Variants in EBF3 observed in about 807,000 individuals in gnomAD.
EBF3 encodes the protein transcription factor COE3.
A neutral mutation model predicts 77.1 loss-of-function variants in EBF3; 18 were observed. That is an observed-to-expected ratio of 0.23 (90% CI 0.16 to 0.35). The LOEUF (loss-of-function observed/expected upper bound fraction) is 0.35. EBF3 is among the 10% of genes least tolerant of loss of function. The pLI is 1.00. For synonymous variants in EBF3, 350 were observed against 343.5 expected (o/e 1.02, Z -0.21); for missense variants, 558 against 860.0 (o/e 0.65, Z 4.39).
intron 4 of EBF3, among the ~76,000 whole-genome samples, chr10:129,960,132 C>A (rs546167956): frequency 6.6e-6 from 1 of 151,488 alleles, no homozygotes; most frequent in Admixed American, 6.6e-5. Flanking sequence ...AAAAAGTCTA[C>A]TGGGGGAGGG....
In EBF3 at chr10:129,841,694, G is replaced by A. The variant is rs896052165; in HGVS notation, c.1372+422C>T. Among the ~76,000 whole-genome samples, 5 of 152,138 alleles carry A rather than the reference G, an allele frequency of 3.3e-5. No homozygotes were observed. The highest frequency in any genetic ancestry group is 2.0e-4 in the Admixed American group (3 of 15,270). On this transcript the variant is annotated intron_variant, in intron 13 of 16. Transcript: ENST00000440978. The surrounding 1 kb of genome is among the most constrained non-coding windows in gnomAD (Gnocchi z 4.6). ...GGGATGGGGTGCGGGGTGGGGAAAT[G>A]GGGGTCTGTCTCCATGGATTCGTTC...
intron 6 of EBF3, among the ~76,000 whole-genome samples, chr10:129,891,656 G>C (rs1854025045): frequency 6.6e-6 from 1 of 152,098 alleles, no homozygotes; most frequent in South Asian, 2.1e-4. Context: ...ACCAATACAG[G>C]GTCCCCAGCA....
chr10:129,961,572 G>A (rs1859524150), intron 4 of EBF3, among the ~76,000 whole-genome samples: 1 of 152,226 alleles, frequency 6.6e-6, no homozygotes, highest in Non-Finnish European at 1.5e-5. Context: ...GGGTGGGAGA[G>A]GGGGCAGAGC....
chr10:129,896,469 G>A (rs1854385562), intron 6 of EBF3, among the ~76,000 whole-genome samples: 1 of 152,236 alleles, frequency 6.6e-6, no homozygotes, highest in Non-Finnish European at 1.5e-5. Flanking sequence ...CGCCATTCCT[G>A]GCCCCTCCGA....
At chr10:129,946,913 C>T (rs150599731) in intron 6 of EBF3, among the ~76,000 whole-genome samples, 1,723 of 152,356 alleles carry the variant, frequency 0.011, 18 homozygotes, top group Non-Finnish European at 0.015. Context: ...TGGCCTCCCC[C>T]TCTGCAAGCA....
rs1849702688 is a variant in EBF3 at position 129,837,814 on chromosome 10, TTGC to T, written c.*126_*128del. The T allele has an allele frequency of 1.6e-6, 2 of 1,245,160 alleles. No homozygotes were observed. Among genetic ancestry groups the T allele is most frequent in the Non-Finnish European group, 2.3e-6 (2 of 872,128 alleles). The allele number at this position is 1,245,160 out of a possible 1,614,324, so 77.1% of individuals were successfully genotyped here. ...AACAAAGTCTTTTGTAGCATTTCAA[TTGC>T]TGCTGATTTTTTTGAAGATACTGTT... On this transcript the variant is annotated 3_prime_UTR_variant, in exon 17 of 17. Transcript: ENST00000440978.
chr10:129,877,602 T>C (rs1364355089), intron 7 of EBF3, among the ~76,000 whole-genome samples, 166 bp downstream of exon 7: 7 of 152,154 alleles, frequency 4.6e-5, no homozygotes, highest in African/African-American at 1.7e-4. Context: ...ACCAGATCAT[T>C]CTTAAAGCAT....
intron 10 of EBF3, among the ~76,000 whole-genome samples, chr10:129,857,449 G>A (rs1278148683): frequency 1.3e-5 from 2 of 152,030 alleles, no homozygotes; most frequent in African/African-American, 4.8e-5. Flanking sequence ...ACTCCTCAAC[G>A]CCTGCTGCTC....
chr10:129,915,634 G>C (rs1855837053), intron 6 of EBF3, among the ~76,000 whole-genome samples: 1 of 152,246 alleles, frequency 6.6e-6, no homozygotes, highest in Admixed American at 6.5e-5. Context: ...GCCGCCGAGA[G>C]TGCGGGAAAG....
chr10:129,862,936 T>C (rs531781510), intron 10 of EBF3, among the ~76,000 whole-genome samples: 1 of 152,240 alleles, frequency 6.6e-6, no homozygotes, highest in African/African-American at 2.4e-5. Context: ...CTGGGACTAT[T>C]TTAATTACTA....
intron 10 of EBF3, among the ~76,000 whole-genome samples, chr10:129,865,194 A>AC (rs369565077): frequency 1.3e-4 from 20 of 151,392 alleles, no homozygotes; most frequent in African/African-American, 4.4e-4. Flanking sequence ...GCCAGAAAGG[A>AC]CCCCCCAGCC....
chr10:129,921,614 C>T (rs1027959073), intron 6 of EBF3, among the ~76,000 whole-genome samples: 7 of 152,166 alleles, frequency 4.6e-5, no homozygotes, highest in African/African-American at 1.2e-4. Flanking sequence ...AGCCAGCCCA[C>T]GGCAGCCTGA....
intron 7 of EBF3, among the ~76,000 whole-genome samples, chr10:129,875,195 T>G (rs936630600): frequency 8.4e-6 from 1 of 118,898 alleles, no homozygotes; most frequent in Non-Finnish European, 1.9e-5. Flanking sequence ...TTCTTTTTTT[T>G]TTTTTTTTTT....
At chr10:129,913,648 A>G (rs1005909687) in intron 6 of EBF3, among the ~76,000 whole-genome samples, 4 of 152,352 alleles carry the variant, frequency 2.6e-5, no homozygotes, top group African/African-American at 9.6e-5. Context: ...ATAACAAGAT[A>G]CAAGCCAGAG....
intron 6 of EBF3, among the ~76,000 whole-genome samples, chr10:129,954,252 G>A (rs903550724): frequency 1.3e-5 from 2 of 152,044 alleles, no homozygotes; most frequent in South Asian, 2.1e-4. Flanking sequence ...TCTTTGCTCC[G>A]TAAGTTGTTA....
intron 6 of EBF3, among the ~76,000 whole-genome samples, chr10:129,896,882 G>A (rs747885663): frequency 2.0e-5 from 3 of 152,146 alleles, no homozygotes; most frequent in East Asian, 1.9e-4. Context: ...GGCTCAAACC[G>A]AGAGAGAAGC....
chr10:129,896,580 G>A (rs1854401459), intron 6 of EBF3, among the ~76,000 whole-genome samples: 1 of 152,204 alleles, frequency 6.6e-6, no homozygotes, highest in African/African-American at 2.4e-5. Context: ...TGGGGGGCTG[G>A]AGTTTGCAGG....
intron 6 of EBF3, among the ~76,000 whole-genome samples, chr10:129,929,027 C>G (rs546676573): frequency 6.6e-6 from 1 of 152,238 alleles, no homozygotes; most frequent in South Asian, 2.1e-4. Context: ...CATGAGGTTA[C>G]AAACAAGGAG....
At chr10:129,916,336 G>C (rs746950905) in intron 6 of EBF3, among the ~76,000 whole-genome samples, 2 of 152,170 alleles carry the variant, frequency 1.3e-5, no homozygotes, top group Non-Finnish European at 2.9e-5. Context: ...CTTCAAAATG[G>C]GAATGACAGT....
Sources: gnomAD v4.1 joint callset for allele counts (sites outside exome capture counted in the v4.1 genomes callset) on GRCh38, gnomAD v4.1.1 for gene constraint, Gnocchi (gnomAD v3.1) non-coding constraint, MANE v1.5 for transcripts, NCBI Gene and HGNC (gene_info 2026-07-23, HGNC 2026-07-21) for gene names.